The following PLCB1 variants were observed in gnomAD, a reference collection of about 807,000 sequenced individuals.
PLCB1 encodes phospholipase C beta 1.
A neutral mutation model predicts 161.8 loss-of-function variants in PLCB1; 46 were observed. The observed-to-expected ratio is 0.28, with a 90% CI of 0.22 to 0.36. The LOEUF (loss-of-function observed/expected upper bound fraction) is 0.36, where lower values mean the gene tolerates loss of function less well. Among genes scored for constraint, PLCB1 ranks in the 10% least tolerant of loss-of-function variants. PLCB1 has a pLI of 1.00. For synonymous variants in PLCB1, 517 were observed against 503.7 expected (o/e 1.03, Z -0.35); for missense variants, 1,016 against 1,472.5 (o/e 0.69, Z 5.07).
intron 31 of PLCB1, among the ~76,000 whole-genome samples, chr20:8,875,580 C>A (rs1471432568): frequency 1.3e-5 from 2 of 149,384 alleles, no homozygotes; most frequent in African/African-American, 4.9e-5. Context: ...ATATTAAGAT[C>A]TTTCATACAC....
intron 3 of PLCB1, among the ~76,000 whole-genome samples, chr20:8,373,320 T>C (rs1211724488): frequency 1.3e-5 from 2 of 152,174 alleles, no homozygotes; most frequent in Non-Finnish European, 2.9e-5. Flanking sequence ...CTGGTTCTAT[T>C]AAACATTACC....
At chr20:8,624,333 A>G (rs963996483) in intron 3 of PLCB1, among the ~76,000 whole-genome samples, 1 of 152,244 alleles carries the variant, frequency 6.6e-6, no homozygotes, top group African/African-American at 2.4e-5. Context: ...CTACAATCCA[A>G]TAAAGATACA....
chr20:8,483,008 A>T (rs2423357), intron 3 of PLCB1, among the ~76,000 whole-genome samples: 1 of 151,906 alleles, frequency 6.6e-6, no homozygotes, highest in Admixed American at 6.6e-5. Flanking sequence ...TTTCTCTCCA[A>T]GTGCCTGAAA....
intron 31 of PLCB1, among the ~76,000 whole-genome samples, chr20:8,848,733 T>C (rs1032333383): frequency 6.6e-6 from 1 of 152,246 alleles, no homozygotes; most frequent in East Asian, 1.9e-4. Context: ...TGGGCCTGTC[T>C]TGCCCACATC....
At chr20:8,322,008 G>C (rs1568631504) in intron 2 of PLCB1, among the ~76,000 whole-genome samples, 1 of 152,128 alleles carries the variant, frequency 6.6e-6, no homozygotes, top group Non-Finnish European at 1.5e-5. Flanking sequence ...AGTTACTAAG[G>C]GATTTGATAG....
At chr20:8,658,211 G>T (rs1224935444) in intron 8 of PLCB1, among the ~76,000 whole-genome samples, 1 of 152,098 alleles carries the variant, frequency 6.6e-6, no homozygotes, top group Non-Finnish European at 1.5e-5. Context: ...AAAATTTACT[G>T]TCATAATAAA....
intron 3 of PLCB1, among the ~76,000 whole-genome samples, chr20:8,402,622 C>G (rs1039019164): frequency 6.7e-6 from 1 of 150,202 alleles, no homozygotes; most frequent in African/African-American, 2.5e-5. Context: ...ATCACAAGGT[C>G]GGGAGATGGA....
intron 2 of PLCB1, among the ~76,000 whole-genome samples, chr20:8,240,601 G>A (rs1437163325): frequency 1.3e-5 from 2 of 151,836 alleles, no homozygotes. Context: ...CCTTCTTTGG[G>A]ATACATAGGG....
chr20:8,874,222 A>T (rs1487678224), intron 31 of PLCB1, among the ~76,000 whole-genome samples: 2 of 113,964 alleles, frequency 1.8e-5, no homozygotes, highest in African/African-American at 7.2e-5. Context: ...ATATATGTGT[A>T]TGTACACACA....
intron 31 of PLCB1, among the ~76,000 whole-genome samples, chr20:8,869,482 A>C (rs1568631310): frequency 6.6e-6 from 1 of 152,202 alleles, no homozygotes; most frequent in Non-Finnish European, 1.5e-5. Context: ...CCTAAATTGT[A>C]GTATAAGTTG....
chr20:8,660,939 C>G (rs1397710976), intron 9 of PLCB1, among the ~76,000 whole-genome samples: 1 of 152,146 alleles, frequency 6.6e-6, no homozygotes, highest in Non-Finnish European at 1.5e-5. Context: ...TGCTTAACTT[C>G]TCTATGCCTT....
intron 3 of PLCB1, among the ~76,000 whole-genome samples, chr20:8,626,764 C>A (rs1474339206): frequency 6.6e-6 from 1 of 152,178 alleles, no homozygotes; most frequent in Admixed American, 6.5e-5. Flanking sequence ...AAGAACCCCA[C>A]AAAATTACAA....
rs756737503 is a variant in PLCB1 at position 8,790,272 on chromosome 20, C to T, written c.3423+11C>T. The T allele has an allele frequency of 6.3e-7, 1 of 1,593,418 alleles. No homozygotes were observed. The highest frequency in any genetic ancestry group is 8.6e-7 in the Non-Finnish European group (1 of 1,164,718). ...GATGAAAAGCCCAAGGTAAACGGAA[C>T]TGAATTAAAATGAACAATTATTTTA... On this transcript the variant is annotated intron_variant, in intron 31 of 31. Coordinates refer to ENST00000338037, the MANE Select transcript of PLCB1 (RefSeq NM_015192.4).
chr20:8,300,464 A>G (rs1025917735), intron 2 of PLCB1, among the ~76,000 whole-genome samples: 3 of 151,960 alleles, frequency 2.0e-5, no homozygotes, highest in Non-Finnish European at 2.9e-5. Context: ...CCCAAATTAG[A>G]GTCTCACCTC....
intron 12 of PLCB1, among the ~76,000 whole-genome samples, chr20:8,714,448 A>T (rs1275597799): frequency 6.6e-6 from 1 of 152,110 alleles, no homozygotes; most frequent in Non-Finnish European, 1.5e-5. Context: ...TCACTGGAGG[A>T]AGAAGACTTG....
rs1980749922 is a variant in PLCB1, at chr20:8,739,367, G to A, written c.2308+7G>A. ...GTGCAAGCCATTCGGCCAGGTATGG[G>A]TAGTGTGCTGAGAAACCTTTTATCA... On this transcript the variant is annotated splice_region_variant and intron_variant, in intron 21 of 31. Transcript: ENST00000338037. 6.4e-7 allele frequency: 1 copy of A among 1,568,452 alleles called. No individual in the cohort carries two copies.
At chr20:8,200,931 G>T (rs1433659688) in intron 2 of PLCB1, among the ~76,000 whole-genome samples, 1 of 151,968 alleles carries the variant, frequency 6.6e-6, no homozygotes, top group Non-Finnish European at 1.5e-5. Context: ...ATTCGCTGAA[G>T]GATTTAGAAA....
intron 9 of PLCB1, among the ~76,000 whole-genome samples, chr20:8,664,920 C>T (rs1315273447): frequency 6.6e-6 from 1 of 152,102 alleles, no homozygotes; most frequent in South Asian, 2.1e-4. Context: ...GCTTCGGTCA[C>T]TCAAGGCCAC....
chr20:8,732,038 T>A (rs1039869882), intron 18 of PLCB1: 1 of 152,012 alleles, frequency 6.6e-6, no homozygotes, highest in Non-Finnish European at 1.5e-5. Flanking sequence ...TCTTTACAAC[T>A]TTAATATGTA....
Sources: gnomAD v4.1 joint callset for allele counts (sites outside exome capture counted in the v4.1 genomes callset) on GRCh38, gnomAD v4.1.1 for gene constraint, MANE v1.5 for transcripts, NCBI Gene and HGNC (gene_info 2026-07-23, HGNC 2026-07-21) for gene names.